Variants in ATP8B4 observed in about 807,000 individuals in gnomAD.
ATP8B4 encodes ATPase phospholipid transporting 8B4 (putative), also known as probable phospholipid-transporting ATPase IM.
ATP8B4 carries 133 observed loss-of-function variants against 145.6 expected under a neutral mutation model. The observed-to-expected ratio is 0.91, with a 90% CI of 0.79 to 1.05. ATP8B4 has a LOEUF of 1.05. Among genes scored for constraint, ATP8B4 ranks in the 50% least tolerant of loss-of-function variants. The pLI is 0.00. For synonymous variants in ATP8B4, 507 were observed against 492.9 expected (o/e 1.03, Z -0.38); for missense variants, 1,458 against 1,425.2 (o/e 1.02, Z -0.37).
At chr15:49,932,225 C>T (rs977493646) in intron 15 of ATP8B4, among the ~76,000 whole-genome samples, 2 of 151,720 alleles carry the variant, frequency 1.3e-5, no homozygotes, top group Admixed American at 1.3e-4. Context: ...AGAAACAAAT[C>T]ACCTAAATAT....
At chr15:50,103,548 A>G (rs1385222308) in intron 2 of ATP8B4, among the ~76,000 whole-genome samples, 2 of 152,166 alleles carry the variant, frequency 1.3e-5, no homozygotes, top group African/African-American at 4.8e-5. Flanking sequence ...AAAGACCTCT[A>G]CAAGGAAGAC....
chr15:49,963,354 C>A (rs1327658542), intron 13 of ATP8B4, among the ~76,000 whole-genome samples: 2 of 152,112 alleles, frequency 1.3e-5, no homozygotes, highest in Admixed American at 6.6e-5. Context: ...GACAGTGTGG[C>A]GATTCCTCAA....
intron 12 of ATP8B4, among the ~76,000 whole-genome samples, chr15:49,975,618 G>T (rs1007509500): frequency 2.0e-5 from 3 of 152,014 alleles, no homozygotes; most frequent in African/African-American, 7.2e-5. Context: ...TATACAAAGG[G>T]CAGAATATAA....
At chr15:49,876,192 C>T in intron 25 of ATP8B4, 86 bp downstream of exon 25, 1 of 1,512,362 alleles carries the variant, frequency 6.6e-7, no homozygotes, top group Non-Finnish European at 8.9e-7. Flanking sequence ...ATTATTTCCC[C>T]CCAACAAGTA....
At chr15:49,913,796 C>T (rs986175273) in intron 20 of ATP8B4, among the ~76,000 whole-genome samples, 3 of 152,026 alleles carry the variant, frequency 2.0e-5, no homozygotes, top group African/African-American at 7.2e-5. Context: ...AAATAAAATA[C>T]TTAAGGATAA....
At chr15:50,076,830 G>C (rs1328190809) in intron 2 of ATP8B4, among the ~76,000 whole-genome samples, 2 of 152,176 alleles carry the variant, frequency 1.3e-5, no homozygotes, top group African/African-American at 4.8e-5. Context: ...ACTGGCTTTG[G>C]TTCTAAATTG....
chr15:49,901,632 C>A (rs1272990991), intron 20 of ATP8B4, among the ~76,000 whole-genome samples: 3 of 152,120 alleles, frequency 2.0e-5, no homozygotes, highest in Non-Finnish European at 2.9e-5. Context: ...AGACTAAAGA[C>A]AATTGATGAA....
rs933496270 is a variant in ATP8B4 at position 49,866,411 on chromosome 15, G to C, written c.3101C>G (p.Ser1034Cys). 1.2e-6 allele frequency: 2 copies of C among 1,613,848 alleles called. No individual in the cohort carries two copies. Among genetic ancestry groups the C allele is most frequent in the Admixed American group, 3.3e-5 (2 of 60,028 alleles). ...ATTACTGTGCATTGTAAATAAAATG[G>C]AGAAATAAATGGCAATGCTCCCCCA... ...FIWGSIAIYFSILFTMHSNGI... is the reference protein window; with the variant it reads ...FIWGSIAIYFCILFTMHSNGI... Residue 1034 changes from serine to cysteine, a missense_variant, in exon 26 of 28, where the codon TCC becomes TGC. By Grantham distance (112) the Ser-to-Cys change is moderately radical. Transcript: ENST00000284509.
At chr15:49,863,701 CT>C (rs1300921796) in intron 26 of ATP8B4, among the ~76,000 whole-genome samples, 1 of 152,164 alleles carries the variant, frequency 6.6e-6, no homozygotes, top group Non-Finnish European at 1.5e-5. Context: ...ACAAACTTGA[CT>C]TAATCAATTA....
chr15:50,072,488 C>G lies in ATP8B4; in HGVS notation c.87+1639G>C, dbSNP rs77258599. On this transcript the variant is annotated intron_variant, in intron 3 of 27. Coordinates refer to ENST00000284509, the MANE Select transcript of ATP8B4 (RefSeq NM_024837.4). ...CTGTAGCTTACAACAGTGCCAGTCA[C>G]TTAGTAGACATTCCATAAATATTCC... 1.5e-3 allele frequency among the ~76,000 whole-genome samples: 231 copies of G among 152,262 alleles called. 3 individuals are homozygous for G. The East Asian group carries it at 0.036, about 24-fold the overall frequency.
At position 49,934,012 on chromosome 15, in the gene ATP8B4, C is replaced by G. The variant is rs1365551265; in HGVS notation, c.1453+5G>C. On this transcript the variant is annotated splice_donor_5th_base_variant and intron_variant, in intron 15 of 27. Coordinates refer to ENST00000284509, the MANE Select transcript of ATP8B4 (RefSeq NM_024837.4). ...TTCACCACTCAGACATAACTTTTCA[C>G]TTACCTGCGCTATTCTCTTCTGACA... The G allele has an allele frequency of 1.9e-6, 3 of 1,548,494 alleles. No homozygotes were observed. The highest frequency in any genetic ancestry group is 2.6e-6 in the Non-Finnish European group (3 of 1,148,096).
chr15:50,180,609 G>C (rs2044831586), intron 1 of ATP8B4, among the ~76,000 whole-genome samples: 1 of 152,200 alleles, frequency 6.6e-6, no homozygotes, highest in Non-Finnish European at 1.5e-5. Flanking sequence ...GCCATCAAGG[G>C]ACGAGGGTGG....
intron 16 of ATP8B4, among the ~76,000 whole-genome samples, chr15:49,925,888 A>T (rs1203726379): frequency 6.6e-6 from 1 of 152,182 alleles, no homozygotes; most frequent in African/African-American, 2.4e-5. Context: ...AGAAGTTAGT[A>T]TTTCTTAAAT....
rs550136026 is a variant in ATP8B4 at position 50,178,179 on chromosome 15, G to A, written c.-43+4082C>T. On this transcript the variant is annotated intron_variant, in intron 1 of 3. Transcript: ENST00000558829. ...GGAAAAGAGGGGTCTAGGAGGCCAC[G>A]TTGAAGTGACTGGCCAGGAAGGGAC... 5.3e-5 allele frequency among the ~76,000 whole-genome samples: 8 copies of A among 152,264 alleles called. No individual in the cohort carries two copies. The South Asian group carries it at 1.0e-3, about 20-fold the overall frequency.
rs1046819064 is a variant in ATP8B4, at chr15:49,860,487, C to G, written c.3298-12G>C. On this transcript the variant is annotated splice_polypyrimidine_tract_variant and intron_variant, in intron 27 of 27. Transcript: ENST00000284509. ...TGCCACCGGCGGATCTGGAGAGAAA[C>G]AGACCCAAAGTGAGATGATGCATCC... 6.3e-7 allele frequency: 1 copy of G among 1,598,054 alleles called. No homozygotes were observed. Among genetic ancestry groups the G allele is most frequent in the African/African-American group, 1.4e-5 (1 of 74,030 alleles).
chr15:50,055,609 C>T (rs1001720174), intron 3 of ATP8B4, among the ~76,000 whole-genome samples: 2 of 152,114 alleles, frequency 1.3e-5, no homozygotes, highest in African/African-American at 4.8e-5. Flanking sequence ...AAGTAACCTT[C>T]CAGAGCTTGA....
At chr15:50,178,556 TCTCA>T (rs1483284029) in intron 1 of ATP8B4, among the ~76,000 whole-genome samples, 7 of 152,192 alleles carry the variant, frequency 4.6e-5, no homozygotes, top group Non-Finnish European at 7.3e-5. Context: ...TGAGATGGGG[TCTCA>T]CTGTGTTGCC....
chr15:50,092,570 T>C (rs1374560516), intron 2 of ATP8B4, among the ~76,000 whole-genome samples: 1 of 151,936 alleles, frequency 6.6e-6, no homozygotes, highest in Non-Finnish European at 1.5e-5. Flanking sequence ...TTTGAAAATA[T>C]AATAAATTCA....
At chr15:49,974,043 A>G (rs1399882419) in intron 12 of ATP8B4, among the ~76,000 whole-genome samples, 1 of 152,064 alleles carries the variant, frequency 6.6e-6, no homozygotes, top group Non-Finnish European at 1.5e-5. Context: ...AATTCTGTCA[A>G]AAAACAATGC....
Sources: gnomAD v4.1 joint callset for allele counts (sites outside exome capture counted in the v4.1 genomes callset) on GRCh38, gnomAD v4.1.1 for gene constraint, MANE v1.5 for transcripts, NCBI Gene and HGNC (gene_info 2026-07-23, HGNC 2026-07-21) for gene names.